CACHD1: variants seen among roughly 807,000 people sequenced by gnomAD.
The protein encoded by CACHD1 is cache domain containing 1, also known as VWFA and cache domain-containing protein 1.
Under a neutral mutation model 138.7 loss-of-function variants are expected in CACHD1, and 71 were observed. The observed-to-expected ratio is 0.51, with a 90% CI of 0.42 to 0.62. The LOEUF (loss-of-function observed/expected upper bound fraction) is 0.62, where lower values mean the gene tolerates loss of function less well. Among genes scored for constraint, CACHD1 ranks in the 20% least tolerant of loss-of-function variants. The pLI, the probability that CACHD1 is intolerant of heterozygous loss-of-function variation, is 0.00. For synonymous variants in CACHD1, 578 were observed against 591.5 expected (o/e 0.98, Z 0.33); for missense variants, 1,389 against 1,625.3 (o/e 0.85, Z 2.50).
chr1:64,523,707 G>A (rs559906880), intron 1 of CACHD1, among the ~76,000 whole-genome samples: 2 of 152,268 alleles, frequency 1.3e-5, no homozygotes, highest in Admixed American at 6.5e-5. Flanking sequence ...CTGTGATTCT[G>A]TAAATCTTTG....
chr1:64,672,407 C>T (rs1204045395), intron 17 of CACHD1, among the ~76,000 whole-genome samples: 3 of 152,130 alleles, frequency 2.0e-5, no homozygotes, highest in Admixed American at 6.6e-5. Context: ...TTTGGTCTCG[C>T]TTTGTGAGGG....
chr1:64,561,391 A>C (rs1321415212), intron 2 of CACHD1, among the ~76,000 whole-genome samples: 1 of 152,354 alleles, frequency 6.6e-6, no homozygotes, highest in Admixed American at 6.5e-5. Flanking sequence ...TAATGAAGTT[A>C]AAAGAAAAAA....
intron 4 of CACHD1, among the ~76,000 whole-genome samples, chr1:64,623,772 G>A (rs938926521): frequency 4.6e-5 from 7 of 152,172 alleles, no homozygotes; most frequent in African/African-American, 1.4e-4. Flanking sequence ...CTGCACATGT[G>A]TCTGTCTGAG....
At chr1:64,675,332 T>C (rs1649949144) in intron 19 of CACHD1, 69 bp from the exon 20 acceptor site, 1 of 1,303,538 alleles carries the variant, frequency 7.7e-7, no homozygotes, top group South Asian at 1.9e-5. Context: ...TGAAGAGTTG[T>C]TTTCACCAAG....
rs993759899 is a variant in CACHD1, at chr1:64,610,669, C to T, written c.517+7757C>T. Among the ~76,000 whole-genome samples the T allele has an allele frequency of 2.6e-5, 4 of 152,242 alleles. No homozygotes were observed. The East Asian group carries it at 5.8e-4, about 22-fold the overall frequency. ...ATGTGGCTTTGCAGGGTAAGCCCACCTCCTGGCTCCTATCACGGGCTAGCC... is the reference window on the plus strand; with the variant it reads ...ATGTGGCTTTGCAGGGTAAGCCCACTTCCTGGCTCCTATCACGGGCTAGCC... On this transcript the variant is annotated intron_variant, in intron 4 of 26. Coordinates refer to ENST00000651257, the MANE Select transcript of CACHD1 (RefSeq NM_020925.4).
chr1:64,564,038 C>A (rs954281289), intron 2 of CACHD1, among the ~76,000 whole-genome samples: 1 of 152,158 alleles, frequency 6.6e-6, no homozygotes, highest in Non-Finnish European at 1.5e-5. Flanking sequence ...CAAAATATTA[C>A]TTTGAACTGA....
At chr1:64,577,589 C>G (rs1646978539) in intron 2 of CACHD1, among the ~76,000 whole-genome samples, 1 of 152,118 alleles carries the variant, frequency 6.6e-6, no homozygotes, top group South Asian at 2.1e-4. Context: ...CAAATTACCC[C>G]TTAGTGTCTA....
intron 1 of CACHD1, among the ~76,000 whole-genome samples, chr1:64,526,821 A>T (rs1646542753): frequency 1.3e-5 from 2 of 151,446 alleles, no homozygotes; most frequent in Admixed American, 6.6e-5. Flanking sequence ...TTCTCCACCC[A>T]CCTCTGGTTT....
intron 1 of CACHD1, among the ~76,000 whole-genome samples, chr1:64,533,748 C>CTCTT (rs569650125): frequency 7.7e-6 from 1 of 129,432 alleles, no homozygotes; most frequent in Non-Finnish European, 1.7e-5. Flanking sequence ...TCTTCTCTCT[C>CTCTT]TTTTTTTTTT....
In CACHD1 at chr1:64,681,327, G is replaced by A; in HGVS notation, c.3476G>A (p.Arg1159Lys). ...AGGGACGACGACAGCCACGAAGACAGAGGCATCAGTGAGTATTCAGCTGCC... is the reference window on the plus strand; with the variant it reads ...AGGGACGACGACAGCCACGAAGACAAAGGCATCAGTGAGTATTCAGCTGCC... ...DERDDDSHED[R>K]GIISNTRFIA... is the part of the protein sequence containing the mutation. Residue 1159 changes from arginine to lysine, a missense_variant, in exon 25 of 27, where the codon AGA becomes AAA. Coordinates refer to ENST00000651257, the MANE Select transcript of CACHD1 (RefSeq NM_020925.4). 1 of 1,613,550 alleles carries A rather than the reference G, an allele frequency of 6.2e-7. No homozygotes were observed. The highest frequency in any genetic ancestry group is 1.1e-5 in the South Asian group (1 of 91,056).
chr1:64,654,308 T>G (rs1649195108), intron 11 of CACHD1, among the ~76,000 whole-genome samples: 1 of 152,218 alleles, frequency 6.6e-6, no homozygotes, highest in African/African-American at 2.4e-5. Flanking sequence ...TCTTATACAT[T>G]GTTTTTTCTT....
chr1:64,641,694 G>A (rs1472151952), intron 7 of CACHD1, 126 bp from the exon 8 acceptor site: 14 of 604,096 alleles, frequency 2.3e-5, no homozygotes, highest in Non-Finnish European at 3.9e-5. Flanking sequence ...TCAAACAGGA[G>A]GGACTAGGAA....
chr1:64,684,512 GTGTC>G (rs1019238968), intron 26 of CACHD1, among the ~76,000 whole-genome samples: 27 of 151,816 alleles, frequency 1.8e-4, no homozygotes, highest in African/African-American at 6.5e-4. Flanking sequence ...GCTGTACAAT[GTGTC>G]TGTATTTTAA....
At chr1:64,587,042 C>T (rs1291492089) in intron 3 of CACHD1, among the ~76,000 whole-genome samples, 1 of 152,090 alleles carries the variant, frequency 6.6e-6, no homozygotes, top group Admixed American at 6.5e-5. Context: ...GATAAGAGAC[C>T]TCCAGTCTTA....
At chr1:64,504,504 C>T (rs1037662205) in intron 1 of CACHD1, among the ~76,000 whole-genome samples, 1 of 152,172 alleles carries the variant, frequency 6.6e-6, no homozygotes, top group Non-Finnish European at 1.5e-5. Flanking sequence ...AGAATTCTCT[C>T]GTCAGTTTTC....
At chr1:64,610,158 C>A (rs1313038630) in intron 4 of CACHD1, among the ~76,000 whole-genome samples, 1 of 152,154 alleles carries the variant, frequency 6.6e-6, no homozygotes, top group Non-Finnish European at 1.5e-5. Flanking sequence ...CCACTGGGTC[C>A]CTCCCATGAC....
chr1:64,664,287 G>T (rs1014144454), intron 14 of CACHD1: 6 of 580,934 alleles, frequency 1.0e-5, no homozygotes, highest in South Asian at 4.6e-5. Flanking sequence ...TAGGTAGGGT[G>T]AACAATTGAG....
At chr1:64,599,028 G>C (rs1169284255) in intron 3 of CACHD1, among the ~76,000 whole-genome samples, 1 of 151,604 alleles carries the variant, frequency 6.6e-6, no homozygotes, top group Non-Finnish European at 1.5e-5. Context: ...CCTTACAAAA[G>C]AGGTCTCAGA....
At chr1:64,595,701 T>G (rs1647144988) in intron 3 of CACHD1, among the ~76,000 whole-genome samples, 1 of 152,210 alleles carries the variant, frequency 6.6e-6, no homozygotes, top group African/African-American at 2.4e-5. Flanking sequence ...TCCAAGCTTT[T>G]ATGAGAAAGT....
Sources: gnomAD v4.1 joint callset for allele counts (sites outside exome capture counted in the v4.1 genomes callset) on GRCh38, gnomAD v4.1.1 for gene constraint, MANE v1.5 for transcripts, NCBI Gene and HGNC (gene_info 2026-07-23, HGNC 2026-07-21) for gene names.